PCDH15: variants seen among roughly 807,000 people sequenced by gnomAD.
The protein encoded by PCDH15 is protocadherin related 15.
PCDH15 carries 129 observed loss-of-function variants against 178.5 expected under a neutral mutation model. The observed-to-expected ratio is 0.72, with a 90% CI of 0.63 to 0.84. PCDH15 has a LOEUF of 0.84. PCDH15 is among the 40% of genes least tolerant of loss of function. The pLI is 0.00. For missense variants in PCDH15, 2,230 were observed against 2,099.9 expected (o/e 1.06, Z -1.21); for synonymous variants, 800 against 732.0 (o/e 1.09, Z -1.50).
rs568857781 is a variant in PCDH15 at position 54,443,611 on chromosome 10, C to T, written c.158-64669G>A. On this transcript the variant is annotated intron_variant, in intron 3 of 37. Transcript: ENST00000644397. ...ATCCAAGAATTAAACATCCATCTGT[C>T]GGACTGACTACAAGCTCTTTCTTTT... 2.3e-4 allele frequency among the ~76,000 whole-genome samples: 35 copies of T among 151,798 alleles called. No homozygotes were observed. In the Middle Eastern group the frequency reaches 0.01, roughly 44 times the overall value.
At chr10:54,246,339 A>G (rs369733583) in intron 8 of PCDH15, among the ~76,000 whole-genome samples, 11 of 151,800 alleles carry the variant, frequency 7.2e-5, no homozygotes, top group East Asian at 3.9e-4. Context: ...CCCTACTTCC[A>G]TCCTAGAGAT....
At chr10:54,130,161 T>TA (rs1275253848) in intron 15 of PCDH15, among the ~76,000 whole-genome samples, 2 of 152,156 alleles carry the variant, frequency 1.3e-5, no homozygotes, top group Non-Finnish European at 2.9e-5. Flanking sequence ...TGAGTGAACA[T>TA]ACTCTGTTGA....
intron 26 of PCDH15, among the ~76,000 whole-genome samples, chr10:53,900,003 A>G (rs1445431902): frequency 6.6e-6 from 1 of 152,000 alleles, no homozygotes; most frequent in Non-Finnish European, 1.5e-5. Flanking sequence ...TGTCTTCCTC[A>G]CATATGTTTC....
intron 32 of PCDH15, among the ~76,000 whole-genome samples, chr10:53,825,323 ATAG>A (rs994789227): frequency 3.2e-4 from 48 of 152,026 alleles, no homozygotes; most frequent in Non-Finnish European, 4.6e-4. Context: ...ATGACATTTA[ATAG>A]TAGATGAAAT....
At chr10:54,612,487 T>C (rs1383287393) in intron 2 of PCDH15, among the ~76,000 whole-genome samples, 2 of 151,748 alleles carry the variant, frequency 1.3e-5, no homozygotes, top group Non-Finnish European at 3.0e-5. Flanking sequence ...TGTAGATAAA[T>C]TTTGGATCTA....
At chr10:54,559,106 T>C (rs2087708068) in intron 2 of PCDH15, among the ~76,000 whole-genome samples, 1 of 152,108 alleles carries the variant, frequency 6.6e-6, no homozygotes, top group Non-Finnish European at 1.5e-5. Flanking sequence ...TTTTCCCTTA[T>C]CTCACTTTTC....
At chr10:54,298,252 C>G (rs371960563) in intron 8 of PCDH15, among the ~76,000 whole-genome samples, 44 of 152,138 alleles carry the variant, frequency 2.9e-4, no homozygotes, top group African/African-American at 1.0e-3. Flanking sequence ...AAGTTTATTA[C>G]CCGATCAGCC....
intron 23 of PCDH15, among the ~76,000 whole-genome samples, chr10:53,948,047 T>A (rs1472764208): frequency 6.6e-6 from 1 of 152,172 alleles, no homozygotes; most frequent in Admixed American, 6.5e-5. Flanking sequence ...GTACAGAAGA[T>A]CCCTGATTTA....
At chr10:53,833,010 C>T (rs980209125) in intron 29 of PCDH15, among the ~76,000 whole-genome samples, 7 of 151,508 alleles carry the variant, frequency 4.6e-5, no homozygotes, top group Non-Finnish European at 8.8e-5. Flanking sequence ...CATTGTTACA[C>T]GTTAAAAGAA....
intron 2 of PCDH15, among the ~76,000 whole-genome samples, chr10:55,344,523 A>G (rs912363375): frequency 7.9e-5 from 12 of 152,120 alleles, no homozygotes; most frequent in Non-Finnish European, 1.3e-4. Context: ...CAGATTTTAC[A>G]TGATGTGGGA....
chr10:53,804,801 T>C lies in PCDH15; in HGVS notation c.*1778A>G, dbSNP rs1405900281. ...AGGAATAAGCCCCGGACTTCATTGC[T>C]TCCAAAATTTAATGTGCATATAAAC... On this transcript the variant is annotated 3_prime_UTR_variant, in exon 38 of 38. Coordinates refer to ENST00000644397, the MANE Select transcript of PCDH15 (RefSeq NM_001384140.1). The C allele has an allele frequency of 6.6e-6, 1 of 151,996 alleles. No homozygotes were observed. The highest frequency in any genetic ancestry group is 1.5e-5 in the Non-Finnish European group (1 of 67,942). 9.4% of individuals were successfully genotyped at this position (151,996 alleles called of 1,614,324 possible).
intron 25 of PCDH15, among the ~76,000 whole-genome samples, chr10:53,913,976 AAGAAGACATTTATG>A (rs1462692740): frequency 6.6e-6 from 1 of 151,448 alleles, no homozygotes; most frequent in Non-Finnish European, 1.5e-5. Context: ...CACTTTTCAA[AAGAAGACATTTATG>A]CAGCCAACAG....
At chr10:54,691,729 C>T (rs1238082330) in intron 1 of PCDH15, among the ~76,000 whole-genome samples, 1 of 152,042 alleles carries the variant, frequency 6.6e-6, no homozygotes, top group Non-Finnish European at 1.5e-5. Context: ...AATTTCTTTT[C>T]ACCCTGTGAT....
chr10:55,341,194 C>T (rs935243291), intron 2 of PCDH15, among the ~76,000 whole-genome samples: 2 of 151,938 alleles, frequency 1.3e-5, no homozygotes, highest in South Asian at 2.1e-4. Context: ...CTTTCTTTCA[C>T]ATTTAAAGGC....
chr10:55,247,422 G>A (rs10825483), intron 1 of PCDH15, among the ~76,000 whole-genome samples: 88,011 of 151,856 alleles, frequency 0.58, 25,511 homozygotes, highest in East Asian at 0.68. Context: ...TTATATCTCA[G>A]AAGTCTCTGT....
chr10:55,331,603 T>C (rs947025890), intron 2 of PCDH15, among the ~76,000 whole-genome samples: 2 of 152,134 alleles, frequency 1.3e-5, no homozygotes, highest in East Asian at 3.9e-4. Flanking sequence ...TGCACAAGGA[T>C]ATCCTTTGAT....
At chr10:54,870,269 T>G (rs914745315) in intron 3 of PCDH15, among the ~76,000 whole-genome samples, 8 of 152,172 alleles carry the variant, frequency 5.3e-5, no homozygotes, top group Non-Finnish European at 1.2e-4. Flanking sequence ...TCAGCTACCA[T>G]GCTCATGAGA....
At chr10:55,551,000 A>T (rs1273748821) in intron 2 of PCDH15, among the ~76,000 whole-genome samples, 1 of 152,094 alleles carries the variant, frequency 6.6e-6, no homozygotes, top group Non-Finnish European at 1.5e-5. Flanking sequence ...ATGTCTAGGC[A>T]TACTTTGAGG....
chr10:55,424,727 A>C (rs1400221647), intron 2 of PCDH15, among the ~76,000 whole-genome samples: 1 of 152,126 alleles, frequency 6.6e-6, no homozygotes, highest in Non-Finnish European at 1.5e-5. Context: ...AAAAATGCTT[A>C]TATAAGAAAA....
Sources: allele counts gnomAD v4.1 joint callset (sites outside exome capture counted in the v4.1 genomes callset), GRCh38; gene constraint gnomAD v4.1.1; transcripts MANE v1.5; gene names NCBI Gene and HGNC (gene_info 2026-07-23, HGNC 2026-07-21).